The following MACROD1 variants were observed in gnomAD, a reference collection of about 807,000 sequenced individuals.
MACROD1 encodes mono-ADP ribosylhydrolase 1.
MACROD1 carries 31 observed loss-of-function variants against 41.4 expected under a neutral mutation model. The observed-to-expected ratio is 0.75, with a 90% confidence interval of 0.56 to 1.01. The LOEUF (loss-of-function observed/expected upper bound fraction) is 1.01. Ranked by LOEUF, MACROD1 falls within the 50% of genes least tolerant of loss-of-function variation. The pLI is 0.00. For synonymous variants in MACROD1, 252 were observed against 203.4 expected, an observed-to-expected ratio of 1.24 and a Z score of -2.03; for missense variants, 473 against 460.0, an observed-to-expected ratio of 1.03 and a Z score of -0.26.
At chr11:64,007,255 A>T (rs997815191) in intron 4 of MACROD1, among the ~76,000 whole-genome samples, 4 of 152,212 alleles carry the variant, frequency 2.6e-5, no homozygotes, top group Non-Finnish European at 5.9e-5. Context: ...TGGCCGCAGC[A>T]GTTCTAGGGA....
Position 64,026,112 on chromosome 11 carries a change from C to T in MACROD1, c.518-10831G>A, listed in dbSNP as rs182785041. On this transcript the variant is annotated intron_variant, in intron 3 of 10. Transcript: ENST00000255681. ...AGGAGAATTGCTTGAATCTGGGAGG[C>T]GGAGGTTGCAGTGAGCCGAGATTGT... is the stretch of plus-strand genomic sequence containing the variant. Among the ~76,000 whole-genome samples, 114 of 152,220 alleles carry T rather than the reference C, an allele frequency of 7.5e-4. 4 individuals are homozygous for T. The East Asian group carries it at 0.016, about 21-fold the overall frequency.
Position 64,118,078 on chromosome 11 carries a change from G to A in MACROD1, c.517+33161C>T. 2 of 1,612,162 alleles carry A rather than the reference G, an allele frequency of 1.2e-6. No homozygotes were observed. The highest frequency in any genetic ancestry group is 1.7e-6 in the Non-Finnish European group (2 of 1,178,718). ...AAAAAGGATGACTATATGGAGTCAG[G>A]GACCAAGAAGGATAACTCCATCCTG... On this transcript the variant is annotated intron_variant, in intron 3 of 10. Transcript: ENST00000255681.
intron 3 of MACROD1, among the ~76,000 whole-genome samples, chr11:64,097,800 G>A (rs1404679021): frequency 6.6e-6 from 1 of 152,172 alleles, no homozygotes; most frequent in Admixed American, 6.5e-5. Context: ...AGCCTCCAGA[G>A]GCCTTCCTGC....
chr11:64,033,669 C>T lies in MACROD1; in HGVS notation c.518-18388G>A, dbSNP rs377213865. On this transcript the variant is annotated intron_variant, in intron 3 of 10. Transcript: ENST00000255681. ...CAGCCTGGCCAACATAGTGAAACCC[C>T]GTCTCTGCTAAAAATACAAAAATTA... is the stretch of plus-strand genomic sequence containing the variant. 1.9e-3 allele frequency among the ~76,000 whole-genome samples: 285 copies of T among 152,038 alleles called. 2 individuals carry two copies. Among genetic ancestry groups the T allele is most frequent in the African/African-American group, 6.3e-3 (261 of 41,470 alleles).
chr11:64,032,988 C>T (rs1299946819), intron 3 of MACROD1, among the ~76,000 whole-genome samples: 1 of 151,992 alleles, frequency 6.6e-6, no homozygotes, highest in Non-Finnish European at 1.5e-5. Context: ...AGCCTCAAAG[C>T]CAAGGCTGTT....
intron 3 of MACROD1, among the ~76,000 whole-genome samples, chr11:64,066,920 C>A (rs1020668705): frequency 6.6e-6 from 1 of 152,220 alleles, no homozygotes; most frequent in Non-Finnish European, 1.5e-5. Flanking sequence ...CCGGAGCCCA[C>A]GCCCCAGCCC....
At chr11:64,083,891 G>A (rs964295666) in intron 3 of MACROD1, among the ~76,000 whole-genome samples, 18 of 152,244 alleles carry the variant, frequency 1.2e-4, no homozygotes, top group African/African-American at 2.9e-4. Flanking sequence ...TGTGAGCAGC[G>A]TGCAGGCGGG....
rs530238788 is a variant in MACROD1 at position 64,136,003 on chromosome 11, T to C, written c.517+15236A>G. Among the ~76,000 whole-genome samples the C allele has an allele frequency of 2.6e-5, 4 of 152,314 alleles. No individual in the cohort carries two copies. In the South Asian group the frequency reaches 8.3e-4, roughly 32 times the overall value. ...ATGGCCCATGCTGTGGGCGGCCCGA[T>C]GGACGTCCTAGGCAGCCAAACCCAC... On this transcript the variant is annotated intron_variant, in intron 3 of 10. Coordinates refer to ENST00000255681, the MANE Select transcript of MACROD1 (RefSeq NM_014067.4).
At chr11:64,157,002 T>G (rs906512533) in intron 1 of MACROD1, among the ~76,000 whole-genome samples, 1 of 152,196 alleles carries the variant, frequency 6.6e-6, no homozygotes, top group Non-Finnish European at 1.5e-5. Flanking sequence ...TGTCCTCTTA[T>G]CGGCAATCCT....
chr11:64,001,478 C>T, intron 4 of MACROD1: 1 of 702,460 alleles, frequency 1.4e-6, no homozygotes. Context: ...AGGCCACCTT[C>T]TCCTTCATCA....
intron 3 of MACROD1, among the ~76,000 whole-genome samples, chr11:64,102,960 C>T (rs1273470120): frequency 6.6e-6 from 1 of 151,966 alleles, no homozygotes; most frequent in Non-Finnish European, 1.5e-5. Context: ...AGTCCTAGCT[C>T]CTTGGGAGGC....
chr11:64,056,970 G>A (rs1943797467), intron 3 of MACROD1, among the ~76,000 whole-genome samples: 1 of 152,162 alleles, frequency 6.6e-6, no homozygotes. Flanking sequence ...CACCCAGCCC[G>A]GGTACAGCCT....
intron 3 of MACROD1, chr11:64,103,812 A>AG (rs1473803175): frequency 6.6e-6 from 1 of 152,132 alleles, no homozygotes; most frequent in Non-Finnish European, 1.5e-5. Flanking sequence ...TGGGGTCCAG[A>AG]GGGGTGTCCC....
At chr11:64,128,852 T>C (rs1178323913) in intron 3 of MACROD1, among the ~76,000 whole-genome samples, 1 of 152,188 alleles carries the variant, frequency 6.6e-6, no homozygotes, top group Non-Finnish European at 1.5e-5. Context: ...AGGGCACTTG[T>C]CTGGCACCAG....
intron 4 of MACROD1, among the ~76,000 whole-genome samples, chr11:64,009,396 T>TG (rs376711401): frequency 6.6e-6 from 1 of 152,092 alleles, no homozygotes; most frequent in South Asian, 2.1e-4. Flanking sequence ...GCCTTCCCCC[T>TG]GGGGGGCCCG....
chr11:64,098,351 C>G (rs1407477685), intron 3 of MACROD1, among the ~76,000 whole-genome samples: 3 of 152,188 alleles, frequency 2.0e-5, no homozygotes, highest in Non-Finnish European at 4.4e-5. Flanking sequence ...ATACCAAGCC[C>G]TCCCACCTCC....
chr11:64,054,978 C>G (rs947914737), intron 3 of MACROD1, among the ~76,000 whole-genome samples: 2 of 152,186 alleles, frequency 1.3e-5, no homozygotes, highest in Non-Finnish European at 2.9e-5. Context: ...TCCTACCAGC[C>G]CTTTCCTACC....
rs1590961605 is a variant in MACROD1, at chr11:64,141,408, G to T, written c.517+9831C>A. ...CAGAGCCGGGGAGCGGGGGCACTGTGGCCACCACGTGCTGCTGCAGCCAGA... is the reference window on the plus strand; with the variant it reads ...CAGAGCCGGGGAGCGGGGGCACTGTTGCCACCACGTGCTGCTGCAGCCAGA... On this transcript the variant is annotated intron_variant, in intron 3 of 10. Coordinates refer to ENST00000255681, the MANE Select transcript of MACROD1 (RefSeq NM_014067.4). Among the ~76,000 whole-genome samples, 3 of 152,160 alleles carry T rather than the reference G, an allele frequency of 2.0e-5. No homozygotes were observed. In the East Asian group the frequency reaches 5.8e-4, roughly 29 times the overall value.
intron 3 of MACROD1, among the ~76,000 whole-genome samples, chr11:64,147,769 G>A (rs1214280053): frequency 6.8e-6 from 1 of 147,644 alleles, no homozygotes; most frequent in Non-Finnish European, 1.5e-5. Flanking sequence ...TTTAGATAGG[G>A]TCTCACTCTG....
Sources: allele counts gnomAD v4.1 joint callset (sites outside exome capture counted in the v4.1 genomes callset), GRCh38; gene constraint gnomAD v4.1.1; transcripts MANE v1.5; gene names NCBI Gene and HGNC (gene_info 2026-07-23, HGNC 2026-07-21).